The following RPS6KC1 variants were observed in gnomAD, a reference collection of about 807,000 sequenced individuals.
The protein encoded by RPS6KC1 is inactive ribosomal protein S6 kinase delta-1.
Under a neutral mutation model 103.8 loss-of-function variants are expected in RPS6KC1, and 54 were observed. That is an observed-to-expected ratio of 0.52 (90% CI 0.42 to 0.65). The LOEUF (loss-of-function observed/expected upper bound fraction) is 0.65. Ranked by LOEUF, RPS6KC1 falls within the 30% of genes least tolerant of loss-of-function variation. The pLI is 0.00. For missense variants in RPS6KC1, 1,151 were observed against 1,253.8 expected (o/e 0.92, Z 1.24); for synonymous variants, 439 against 438.7 (o/e 1.00, Z -0.01).
At chr1:213,846,660 C>T in the RPS6KC1 span, among the ~76,000 whole-genome samples, 1 of 152,062 alleles carries the variant, frequency 6.6e-6, no homozygotes, top group Non-Finnish European at 1.5e-5. Flanking sequence ...ATTGATTGCA[C>T]AGAGATCAGA....
At chr1:213,348,122 A>C in the RPS6KC1 span, among the ~76,000 whole-genome samples, 1 of 152,192 alleles carries the variant, frequency 6.6e-6, no homozygotes, top group Non-Finnish European at 1.5e-5. Flanking sequence ...AAAGTCACTG[A>C]ACATGAGAAC....
chr1:213,758,595 T>C, the RPS6KC1 span, among the ~76,000 whole-genome samples: 2 of 144,610 alleles, frequency 1.4e-5, no homozygotes, highest in African/African-American at 5.1e-5. Context: ...AAAAAAAAAA[T>C]GTGATTCATG....
chr1:213,602,110 T>TTC, the RPS6KC1 span, among the ~76,000 whole-genome samples: 168 of 39,192 alleles, frequency 4.3e-3, 5 homozygotes, highest in African/African-American at 5.7e-3. Flanking sequence ...CTTTCTTTCT[T>TTC]TCTTTCTTTC....
At chr1:213,324,537 G>A in the RPS6KC1 span, among the ~76,000 whole-genome samples, 2 of 150,176 alleles carry the variant, frequency 1.3e-5, no homozygotes, top group East Asian at 2.0e-4. Context: ...ATTTTGTTAC[G>A]GCAGGCCTAG....
At chr1:213,083,493 G>A (rs955824329) in intron 3 of RPS6KC1, among the ~76,000 whole-genome samples, 4 of 152,170 alleles carry the variant, frequency 2.6e-5, no homozygotes, top group Non-Finnish European at 4.4e-5. Context: ...GTAGAGGGGA[G>A]GTAACTTGTC....
At chr1:213,194,531 CCCCAT>C (rs1411120437) in intron 8 of RPS6KC1, among the ~76,000 whole-genome samples, 2 of 152,086 alleles carry the variant, frequency 1.3e-5, no homozygotes, top group Non-Finnish European at 2.9e-5. Flanking sequence ...CCCAGGGGTC[CCCCAT>C]CCCTGGGCCA....
At chr1:213,055,649 A>G (rs556441356) in intron 1 of RPS6KC1, among the ~76,000 whole-genome samples, 5 of 152,090 alleles carry the variant, frequency 3.3e-5, no homozygotes, top group Non-Finnish European at 5.9e-5. Flanking sequence ...TTCTTTCTCA[A>G]AATTGTTCTG....
chr1:213,616,703 C>A, the RPS6KC1 span, among the ~76,000 whole-genome samples: 10 of 152,174 alleles, frequency 6.6e-5, no homozygotes, highest in Non-Finnish European at 1.5e-4. Context: ...ATATATGGCA[C>A]ACACAACAGG....
the RPS6KC1 span, among the ~76,000 whole-genome samples, chr1:213,419,680 A>G: frequency 6.6e-6 from 1 of 152,188 alleles, no homozygotes; most frequent in African/African-American, 2.4e-5. Context: ...AACTATACAC[A>G]AATAGAACTG....
At chr1:213,306,133 G>C in the RPS6KC1 span, among the ~76,000 whole-genome samples, 2 of 152,176 alleles carry the variant, frequency 1.3e-5, no homozygotes, top group Non-Finnish European at 2.9e-5. Flanking sequence ...CTTAAGATAT[G>C]ATTTTTGAGA....
the RPS6KC1 span, among the ~76,000 whole-genome samples, chr1:213,590,972 G>T: frequency 1.3e-5 from 2 of 152,076 alleles, no homozygotes; most frequent in Admixed American, 1.3e-4. Context: ...CCCCACCACC[G>T]CAGCTAGTCT....
chr1:213,254,335 C>T (rs893171157), intron 12 of RPS6KC1, among the ~76,000 whole-genome samples: 2 of 152,154 alleles, frequency 1.3e-5, no homozygotes, highest in African/African-American at 4.8e-5. Flanking sequence ...GTCTCCATTA[C>T]ATTAAAAGAT....
At chr1:213,687,448 A>G in the RPS6KC1 span, among the ~76,000 whole-genome samples, 1 of 152,182 alleles carries the variant, frequency 6.6e-6, no homozygotes, top group Non-Finnish European at 1.5e-5. Context: ...ACTTTTTAAC[A>G]GCTTAAACAC....
chr1:213,193,875 A>T (rs1056218499), intron 8 of RPS6KC1, among the ~76,000 whole-genome samples: 1 of 151,446 alleles, frequency 6.6e-6, no homozygotes, highest in Non-Finnish European at 1.5e-5. Context: ...CGATCTGCCC[A>T]TCTCAGCCTC....
chr1:213,253,971 T>C (rs2094588990), intron 12 of RPS6KC1, among the ~76,000 whole-genome samples: 1 of 152,144 alleles, frequency 6.6e-6, no homozygotes, highest in Non-Finnish European at 1.5e-5. Context: ...TAAAACTTTG[T>C]TATTCTGTGT....
the RPS6KC1 span, among the ~76,000 whole-genome samples, chr1:213,419,714 T>G: frequency 2.0e-5 from 3 of 152,144 alleles, no homozygotes; most frequent in Admixed American, 2.0e-4. Context: ...AAAAGGGGTA[T>G]AGGAAGAGAG....
chr1:213,318,447 C>T, the RPS6KC1 span, among the ~76,000 whole-genome samples: 1 of 152,208 alleles, frequency 6.6e-6, no homozygotes, highest in African/African-American at 2.4e-5. Context: ...GCTTGGACTG[C>T]ATCATAAATT....
At chr1:213,088,955 T>C (rs2080708743) in intron 3 of RPS6KC1, among the ~76,000 whole-genome samples, 1 of 152,206 alleles carries the variant, frequency 6.6e-6, no homozygotes. Context: ...TCACATAGTA[T>C]AGCAACATCA....
chr1:213,257,090 A>G (rs1000639790), intron 12 of RPS6KC1, among the ~76,000 whole-genome samples: 3 of 152,134 alleles, frequency 2.0e-5, no homozygotes, highest in African/African-American at 7.2e-5. Context: ...CCCACATACA[A>G]AAGTCTCTGA....
Sources: gnomAD v4.1 joint callset for allele counts (sites outside exome capture counted in the v4.1 genomes callset) on GRCh38, gnomAD v4.1.1 for gene constraint, MANE v1.5 for transcripts, NCBI Gene and HGNC (gene_info 2026-07-23, HGNC 2026-07-21) for gene names.